RIMBP2: variants seen among roughly 807,000 people sequenced by gnomAD.
The protein encoded by RIMBP2 is RIMS binding protein 2.
RIMBP2 carries 48 observed loss-of-function variants against 118.6 expected under a neutral mutation model. The observed-to-expected ratio is 0.40, with a 90% CI of 0.32 to 0.51. RIMBP2 has a LOEUF of 0.51. Among genes scored for constraint, RIMBP2 ranks in the 20% least tolerant of loss-of-function variants. The pLI is 0.41. For synonymous variants in RIMBP2, 762 were observed against 742.9 expected, an observed-to-expected ratio of 1.03 and a Z score of -0.42; for missense variants, 1,551 against 1,768.3, an observed-to-expected ratio of 0.88 and a Z score of 2.20.
chr12:130,491,677 G>T lies in RIMBP2; in HGVS notation c.-3-12661C>A, dbSNP rs1333980511. Among the ~76,000 whole-genome samples, 5 of 152,134 alleles carry T rather than the reference G, an allele frequency of 3.3e-5. No homozygotes were observed. In the East Asian group the frequency reaches 7.7e-4, roughly 24 times the overall value. On this transcript the variant is annotated intron_variant, in intron 4 of 22. Transcript: ENST00000690449. ...CCCAAAGGGAGTCTGAAAACCTCGG[G>T]TTTCGCCCAGAGACAGAATCCCACC...
chr12:130,490,471 C>A (rs1419014128), intron 4 of RIMBP2, among the ~76,000 whole-genome samples: 1 of 152,166 alleles, frequency 6.6e-6, no homozygotes, highest in Admixed American at 6.5e-5. Flanking sequence ...TTGTTCTGGT[C>A]CCAGCTGTCA....
At chr12:130,478,481 T>C (rs772435717) in intron 5 of RIMBP2, among the ~76,000 whole-genome samples, 10 of 152,158 alleles carry the variant, frequency 6.6e-5, no homozygotes, top group Non-Finnish European at 1.3e-4. Flanking sequence ...ACAGCAGCAC[T>C]GCAAGAAAAC....
chr12:130,458,521 T>C (rs948113664), intron 6 of RIMBP2, among the ~76,000 whole-genome samples: 7 of 152,144 alleles, frequency 4.6e-5, no homozygotes, highest in Non-Finnish European at 1.0e-4. Context: ...GCCAGGGTCC[T>C]GGCCAGGGAA....
At chr12:130,704,737 T>C (rs6486571) in intron 1 of RIMBP2, among the ~76,000 whole-genome samples, 146,507 of 152,180 alleles carry the variant, frequency 0.96, 70,765 homozygotes, top group East Asian at 1. Flanking sequence ...TCCACAGGTC[T>C]GTTTCCCAAA....
rs993456894 is a variant in RIMBP2 at position 130,447,531 on chromosome 12, C to T, written c.582-2262G>A. Among the ~76,000 whole-genome samples, 3 of 150,734 alleles carry T rather than the reference C, an allele frequency of 2.0e-5. No homozygotes were observed. The highest frequency in any genetic ancestry group is 4.4e-5 in the Non-Finnish European group (3 of 67,822). On this transcript the variant is annotated intron_variant, in intron 9 of 22. Transcript: ENST00000690449. This position sits in a 1 kb window ranked among gnomAD's most constrained non-coding sequence, Gnocchi z 4.4. Reference sequence around the variant, plus strand: ...CTGATGGGAATGGGTTCTTGAGGGGCGATGGGAGACGAGGGACAGGTGATC... The same window carrying T: ...CTGATGGGAATGGGTTCTTGAGGGGTGATGGGAGACGAGGGACAGGTGATC...
chr12:130,505,632 G>A lies in RIMBP2; in HGVS notation c.-4+1016C>T, dbSNP rs1463398186. ...CACTCCCCACCATCATCCCTGGAGG[G>A]GTCACTCATCCCCATCCCCCACCCC... On this transcript the variant is annotated intron_variant, in intron 4 of 22. Transcript: ENST00000690449. Among the ~76,000 whole-genome samples the A allele has an allele frequency of 2.1e-3, 108 of 51,338 alleles. 2 individuals carry two copies. Among genetic ancestry groups the A allele is most frequent in the African/African-American group, 9.7e-3 (101 of 10,430 alleles). The allele number at this position is 51,338 out of a possible 152,430, so 33.7% of individuals were successfully genotyped here.
chr12:130,513,511 G>C (rs998957092), intron 3 of RIMBP2, among the ~76,000 whole-genome samples: 2 of 10,754 alleles, frequency 1.9e-4, no homozygotes, highest in African/African-American at 3.0e-4. Context: ...GCCCAGTGCG[G>C]GGAGGAGGGA....
chr12:130,625,839 G>A (rs767158315), intron 2 of RIMBP2, among the ~76,000 whole-genome samples: 1 of 152,158 alleles, frequency 6.6e-6, no homozygotes, highest in African/African-American at 2.4e-5. Context: ...ATCCCTAGGA[G>A]GACTGATTGG....
Position 130,397,203 on chromosome 12 carries a change from G to C in RIMBP2, c.*158C>G, listed in dbSNP as rs1593147047. On this transcript the variant is annotated 3_prime_UTR_variant, in exon 23 of 23. Transcript: ENST00000690449. Reference sequence around the variant, plus strand: ...AGAGCAACCGCTCCTCTTTGTTCTCGTGGTTGGTTTAAAGTGGTTGGTAGT... The same window carrying C: ...AGAGCAACCGCTCCTCTTTGTTCTCCTGGTTGGTTTAAAGTGGTTGGTAGT... The C allele has an allele frequency of 5.3e-6, 2 of 380,096 alleles. No individual in the cohort carries two copies. The highest frequency in any genetic ancestry group is 9.3e-6 in the Non-Finnish European group (2 of 214,688). 23.5% of individuals were successfully genotyped at this position (380,096 alleles called of 1,614,324 possible).
intron 1 of RIMBP2, among the ~76,000 whole-genome samples, chr12:130,656,699 T>C (rs1300884338): frequency 6.6e-6 from 1 of 152,098 alleles, no homozygotes; most frequent in Non-Finnish European, 1.5e-5. Context: ...TTCCCCTTTC[T>C]AAAATTTTTA....
At chr12:130,441,447 A>AATAATAATAATTATT (rs572339336) in intron 11 of RIMBP2, among the ~76,000 whole-genome samples, 1 of 141,048 alleles carries the variant, frequency 7.1e-6, no homozygotes, top group African/African-American at 2.6e-5. Flanking sequence ...TAATAATAAT[A>AATAATAATAATTATT]ATTTACAAGG....
chr12:130,609,861 G>T (rs74518375), intron 2 of RIMBP2, among the ~76,000 whole-genome samples: 1 of 152,116 alleles, frequency 6.6e-6, no homozygotes, highest in Non-Finnish European at 1.5e-5. Flanking sequence ...CAGGACAGAC[G>T]GAAGTCCCAG....
intron 7 of RIMBP2, among the ~76,000 whole-genome samples, chr12:130,452,830 G>C (rs1017799372): frequency 1.2e-4 from 18 of 152,222 alleles, no homozygotes; most frequent in Non-Finnish European, 2.5e-4. Context: ...CGGCACAGCT[G>C]ATGAAGGTGA....
At chr12:130,542,417 C>T (rs1368760097) in intron 2 of RIMBP2, among the ~76,000 whole-genome samples, 2 of 152,188 alleles carry the variant, frequency 1.3e-5, no homozygotes, top group Admixed American at 1.3e-4. Context: ...TTCTCTCCTT[C>T]CCCTAGAATC....
At chr12:130,572,868 C>A (rs1051862856) in intron 2 of RIMBP2, among the ~76,000 whole-genome samples, 1 of 151,870 alleles carries the variant, frequency 6.6e-6, no homozygotes, top group Admixed American at 6.6e-5. Context: ...ACAGGTGGAG[C>A]GAGGCAGGAG....
chr12:130,435,084 C>T lies in RIMBP2; in HGVS notation c.2107-204G>A, dbSNP rs192580341. Among the ~76,000 whole-genome samples, 729 of 151,328 alleles carry T rather than the reference C, an allele frequency of 4.8e-3. 6 individuals are homozygous for T. Among genetic ancestry groups the T allele is most frequent in the Non-Finnish European group, 7.9e-3 (537 of 67,824 alleles). On this transcript the variant is annotated intron_variant, in intron 13 of 22. Transcript: ENST00000690449. ...TTTTTGAGACAGAGTCTCACTCTGT[C>T]GCCCAGGCTGGAGTGCAGTGGCATG...
chr12:130,557,603 C>T (rs1180121842), intron 2 of RIMBP2, among the ~76,000 whole-genome samples: 3 of 152,138 alleles, frequency 2.0e-5, no homozygotes, highest in East Asian at 3.9e-4. Flanking sequence ...GAGCTGTGCC[C>T]GAACTCTTGA....
At chr12:130,485,141 C>G (rs2082370033) in intron 4 of RIMBP2, among the ~76,000 whole-genome samples, 1 of 152,210 alleles carries the variant, frequency 6.6e-6, no homozygotes, top group Admixed American at 6.5e-5. Context: ...ATGAGGCAAC[C>G]AGGGCTGCAC....
Position 130,434,554 on chromosome 12 carries a change from G to A in RIMBP2, c.2253+180C>T, listed in dbSNP as rs2077367442. On this transcript the variant is annotated intron_variant, in intron 14 of 22. Coordinates refer to ENST00000690449, the MANE Select transcript of RIMBP2 (RefSeq NM_001393629.1). This position sits in a 1 kb window ranked among gnomAD's most constrained non-coding sequence, Gnocchi z 5.7. ...TCAATTATCCCCAATGAGGGTATGT[G>A]ACAGGCATTAAATATAAACTTCAGA... Among the ~76,000 whole-genome samples, 1 of 152,304 alleles carries A rather than the reference G, an allele frequency of 6.6e-6. No homozygotes were observed. Among genetic ancestry groups the A allele is most frequent in the Middle Eastern group, 3.4e-3 (1 of 294 alleles).
Sources: gnomAD v4.1 joint callset for allele counts (sites outside exome capture counted in the v4.1 genomes callset) on GRCh38, gnomAD v4.1.1 for gene constraint, Gnocchi (gnomAD v3.1) non-coding constraint, MANE v1.5 for transcripts, NCBI Gene and HGNC (gene_info 2026-07-23, HGNC 2026-07-21) for gene names.